ZNF12: variants seen among roughly 807,000 people sequenced by gnomAD.
ZNF12 encodes the protein zinc finger protein 12.
In ZNF12, 34 loss-of-function variants were observed where a neutral mutation model predicts 66.6. The observed-to-expected ratio is 0.51, with a 90% CI of 0.39 to 0.68. The LOEUF (loss-of-function observed/expected upper bound fraction) is 0.68, where lower values mean the gene tolerates loss of function less well. Among genes scored for constraint, ZNF12 ranks in the 30% least tolerant of loss-of-function variants. ZNF12 has a pLI of 0.00. For missense variants in ZNF12, 697 were observed against 826.9 expected, an observed-to-expected ratio of 0.84 and a Z score of 1.93; for synonymous variants, 320 against 278.9, an observed-to-expected ratio of 1.15 and a Z score of -1.47.
chr7:6,693,053 G>A (rs1443640094), intron 4 of ZNF12, among the ~76,000 whole-genome samples: 3 of 152,176 alleles, frequency 2.0e-5, no homozygotes, highest in African/African-American at 7.2e-5. Context: ...AGGATGAATG[G>A]CTGACAGGGT....
At position 6,696,899 on chromosome 7, in the gene ZNF12, A is replaced by C. The variant is rs1780162467; in HGVS notation, c.238+440T>G. On this transcript the variant is annotated intron_variant, in intron 4 of 4. Transcript: ENST00000405858. This position sits in a 1 kb window ranked among gnomAD's most constrained non-coding sequence, Gnocchi z 4.0. ...CACAGGATGGGAACTTTGGAGTCTAACCTCAAAGAAAGAAAAGTACAAAGT... is the reference window on the plus strand; with the variant it reads ...CACAGGATGGGAACTTTGGAGTCTACCCTCAAAGAAAGAAAAGTACAAAGT... 6.6e-6 allele frequency among the ~76,000 whole-genome samples: 1 copy of C among 152,008 alleles called. No homozygotes were observed. Among genetic ancestry groups the C allele is most frequent in the Admixed American group, 6.6e-5 (1 of 15,244 alleles).
Position 6,705,288 on chromosome 7 carries a change from C to T in ZNF12, c.-50-65G>A, listed in dbSNP as rs561501686. On this transcript the variant is annotated intron_variant, in intron 1 of 4. Coordinates refer to ENST00000405858, the MANE Select transcript of ZNF12 (RefSeq NM_016265.4). The surrounding 1 kb of genome is among the most constrained non-coding windows in gnomAD (Gnocchi z 4.0). ...CTGGCCTGCCAAGGCGGTCATCTCC[C>T]GCCCAAAACCTACACAGAAAGTTCC... 1.1e-5 allele frequency: 14 copies of T among 1,224,358 alleles called. No homozygotes were observed. Among genetic ancestry groups the T allele is most frequent in the East Asian group, 4.8e-5 (2 of 41,614 alleles). The allele number at this position is 1,224,358 out of a possible 1,614,324, so 75.8% of individuals were successfully genotyped here.
chr7:6,700,520 A>G (rs921827370), intron 2 of ZNF12, among the ~76,000 whole-genome samples: 10 of 152,098 alleles, frequency 6.6e-5, no homozygotes, highest in African/African-American at 2.2e-4. Context: ...TAGCTAGGAG[A>G]GTCCTCTGTC....
In ZNF12 at chr7:6,705,047, C is replaced by A; in HGVS notation, c.15+112G>T. ...GCTGATGGCTACTGTTCTGTCTGAC[C>A]AAATCTTGTATCTATTTCTACTTTC... On this transcript the variant is annotated intron_variant, in intron 2 of 4. Coordinates refer to ENST00000405858, the MANE Select transcript of ZNF12 (RefSeq NM_016265.4). This position sits in a 1 kb window ranked among gnomAD's most constrained non-coding sequence, Gnocchi z 4.0. 1 of 1,316,330 alleles carries A rather than the reference C, an allele frequency of 7.6e-7. No individual in the cohort carries two copies. The highest frequency in any genetic ancestry group is 1.0e-6 in the Non-Finnish European group (1 of 968,408). The allele number at this position is 1,316,330 out of a possible 1,614,324, so 81.5% of individuals were successfully genotyped here.
Position 6,697,455 on chromosome 7 carries a change from A to G in ZNF12, c.143-21T>C. 6.2e-7 allele frequency: 1 copy of G among 1,603,990 alleles called. No individual in the cohort carries two copies. Among genetic ancestry groups the G allele is most frequent in the Non-Finnish European group, 8.5e-7 (1 of 1,174,300 alleles). The stretch of plus-strand genomic sequence containing the variant: ...ATACCCTGTTAATGAGAAATGAAAG[A>G]GAACTTGAGCCCAGGCCGGTTGGCT... On this transcript the variant is annotated intron_variant, in intron 3 of 4. Transcript: ENST00000405858. This position sits in a 1 kb window ranked among gnomAD's most constrained non-coding sequence, Gnocchi z 6.1.
intron 4 of ZNF12, among the ~76,000 whole-genome samples, chr7:6,694,120 TTG>T (rs1355261853): frequency 6.9e-6 from 1 of 145,136 alleles, no homozygotes; most frequent in African/African-American, 2.4e-5. Context: ...TGAGCCGAGA[TTG>T]TGTCACTGCA....
chr7:6,690,844 G>C lies in ZNF12; in HGVS notation c.*4C>G. On this transcript the variant is annotated 3_prime_UTR_variant, in exon 5 of 5. Transcript: ENST00000405858. ...GGTTCTCTGATATAAAATGAGGTCT[G>C]ACTTCAGAGAAGCCTTCCCACATCT... is the stretch of plus-strand genomic sequence containing the variant. 3 of 1,600,748 alleles carry C rather than the reference G, an allele frequency of 1.9e-6. No individual in the cohort carries two copies. Among genetic ancestry groups the C allele is most frequent in the Non-Finnish European group, 2.6e-6 (3 of 1,173,360 alleles).
intron 4 of ZNF12, among the ~76,000 whole-genome samples, chr7:6,694,766 GA>G (rs1027107514): frequency 6.6e-6 from 1 of 151,966 alleles, no homozygotes; most frequent in Non-Finnish European, 1.5e-5. Flanking sequence ...TTCCATGCTT[GA>G]AAAAAATACT....
chr7:6,690,755 T>A lies in ZNF12; in HGVS notation c.*93A>T. The A allele has an allele frequency of 7.7e-7, 1 of 1,299,224 alleles. No homozygotes were observed. The highest frequency in any genetic ancestry group is 1.0e-6 in the Non-Finnish European group (1 of 964,158). The allele number at this position is 1,299,224 out of a possible 1,614,324, so 80.5% of individuals were successfully genotyped here. A position where few individuals can be genotyped will look rare whatever the true frequency, so the allele number is the denominator to read the frequency against. On this transcript the variant is annotated 3_prime_UTR_variant, in exon 5 of 5. Coordinates refer to ENST00000405858, the MANE Select transcript of ZNF12 (RefSeq NM_016265.4). Reference sequence around the variant, plus strand: ...AAGGGGATGTCCACACTAACCTGTGTGAACTCTCTGATGTACAAGGTGTTT... The same window carrying A: ...AAGGGGATGTCCACACTAACCTGTGAGAACTCTCTGATGTACAAGGTGTTT...
At position 6,692,681 on chromosome 7, in the gene ZNF12, G is replaced by A; in HGVS notation, c.261C>T (p.Asp87=). 6.3e-7 allele frequency: 1 copy of A among 1,583,646 alleles called. No homozygotes were observed. Among genetic ancestry groups the A allele is most frequent in the Non-Finnish European group, 8.6e-7 (1 of 1,168,348 alleles). Residue 87 remains aspartate, a synonymous_variant, in exon 5 of 5, where the codon GAC becomes GAT. Coordinates refer to ENST00000405858, the MANE Select transcript of ZNF12 (RefSeq NM_016265.4). The surrounding 1 kb of genome is among the most constrained non-coding windows in gnomAD (Gnocchi z 5.1). ...SYPDEVWQTD[D]LIERIQEEEN... ...CCTCTTCCTGGATTCTCTCTATTAG[G>A]TCATCAGTTTGCCAGACTTCATCTA...
Position 6,697,450 on chromosome 7 carries a change from G to GA in ZNF12, c.143-17dup, listed in dbSNP as rs1562600330. The GA allele has an allele frequency of 3.7e-6, 6 of 1,606,114 alleles. No individual in the cohort carries two copies. The highest frequency in any genetic ancestry group is 5.1e-6 in the Non-Finnish European group (6 of 1,175,610). On this transcript the variant is annotated splice_polypyrimidine_tract_variant and intron_variant, in intron 3 of 4. Transcript: ENST00000405858. This position sits in a 1 kb window ranked among gnomAD's most constrained non-coding sequence, Gnocchi z 6.1. ...ATGTGATACCCTGTTAATGAGAAAT[G>GA]AAAGAGAACTTGAGCCCAGGCCGGT...
rs556543410 is a variant in ZNF12, at chr7:6,696,733, A to G, written c.238+606T>C. Among the ~76,000 whole-genome samples the G allele has an allele frequency of 1.3e-5, 2 of 152,296 alleles. No individual in the cohort carries two copies. Among genetic ancestry groups the G allele is most frequent in the Admixed American group, 1.3e-4 (2 of 15,298 alleles). ...AACAGAACAGAAAATAAGAAACAAG[A>G]TGAAAACGAGCATTTGGTTAAAGAG... is the stretch of plus-strand genomic sequence containing the variant. On this transcript the variant is annotated intron_variant, in intron 4 of 4. Coordinates refer to ENST00000405858, the MANE Select transcript of ZNF12 (RefSeq NM_016265.4). The surrounding 1 kb of genome is among the most constrained non-coding windows in gnomAD (Gnocchi z 4.0).
chr7:6,705,295 A>C lies in ZNF12; in HGVS notation c.-50-72T>G. On this transcript the variant is annotated intron_variant, in intron 1 of 4. Coordinates refer to ENST00000405858, the MANE Select transcript of ZNF12 (RefSeq NM_016265.4). The surrounding 1 kb of genome is among the most constrained non-coding windows in gnomAD (Gnocchi z 4.0). ...GCCAAGGCGGTCATCTCCCGCCCAA[A>C]ACCTACACAGAAAGTTCCAAGAAGT... The C allele has an allele frequency of 1.7e-6, 2 of 1,147,492 alleles. No homozygotes were observed. Among genetic ancestry groups the C allele is most frequent in the Non-Finnish European group, 2.5e-6 (2 of 787,074 alleles). The allele number at this position is 1,147,492 out of a possible 1,614,324, so 71.1% of individuals were successfully genotyped here. A position where few individuals can be genotyped will look rare whatever the true frequency, so the allele number is the denominator to read the frequency against.
chr7:6,691,970 G>C lies in ZNF12; in HGVS notation c.972C>G (p.Pro324=), dbSNP rs760749676. 3.8e-5 allele frequency: 62 copies of C among 1,613,978 alleles called. No individual in the cohort carries two copies. In the Middle Eastern group the frequency reaches 1.6e-3, roughly 43 times the overall value. Residue 324 remains proline (P), a synonymous_variant, in exon 5 of 5, where the codon CCC becomes CCG. Coordinates refer to ENST00000405858, the MANE Select transcript of ZNF12 (RefSeq NM_016265.4). ...TCTTCCCACATTCATTACATTCATA[G>C]GGCTTCTCCCCTGTGTGTGTTCTCT... ...VHQRTHTGEK[P]YECNECGKNF... is the part of the protein sequence containing the mutation.
intron 1 of ZNF12, 23 bp downstream of exon 1, chr7:6,706,409 G>T: frequency 2.1e-6 from 1 of 468,408 alleles, no homozygotes; most frequent in Non-Finnish European, 4.3e-6. Flanking sequence ...TTCTCGCCCC[G>T]GGCCCGCAAA....
chr7:6,693,397 A>G (rs1780104522), intron 4 of ZNF12, among the ~76,000 whole-genome samples: 2 of 152,240 alleles, frequency 1.3e-5, no homozygotes, highest in South Asian at 4.1e-4. Flanking sequence ...GTATATATAT[A>G]TCCTACAGGA....
Position 6,691,414 on chromosome 7 carries a change from T to C in ZNF12, c.1528A>G (p.Ile510Val), listed in dbSNP as rs200296539. The change falls in exon 5 of 5, where the codon ATC (isoleucine) becomes GTC (valine). Residue 510 changes from isoleucine to valine, a missense_variant. Physicochemically the swap from Ile to Val is conservative, Grantham distance 29 (BLOSUM62 3). Around this residue, in one of 3 missense-constraint regions of ZNF12, gnomAD observed 401 missense variants for 519.0 expected, o/e 0.77. Transcript: ENST00000405858. The part of the protein sequence containing the change: ...KLFSQLSYLT[I>V]HHRTHSGVKP... ...ACTCCTGAATGAGTTCTATGATGGA[T>C]AGTGAGGTATGACAACTGGGAGAAT... 1,301 of 1,613,840 alleles carry C rather than the reference T, an allele frequency of 8.1e-4. 1 individual carries two copies. The highest frequency in any genetic ancestry group is 1.1e-3 in the Non-Finnish European group (1,261 of 1,179,914).
chr7:6,692,626 T>C lies in ZNF12; in HGVS notation c.316A>G (p.Ile106Val). 1 of 1,613,582 alleles carries C rather than the reference T, an allele frequency of 6.2e-7. No individual in the cohort carries two copies. Among genetic ancestry groups the C allele is most frequent in the Non-Finnish European group, 8.5e-7 (1 of 1,179,768 alleles). The stretch of plus-strand genomic sequence containing the variant: ...CCTCTCTCTTCAATCAGGGTCTCAA[T>C]GAACACAGTTTGCCTTGAAGGTTTA... ...ENKPSRQTVF[I>V]ETLIEERGNV... Residue 106 changes from isoleucine (I) to valine (V), a missense_variant, in exon 5 of 5, where the codon ATT becomes GTT. By Grantham distance (29) the Ile-to-Val change is conservative. Around this residue, in one of 3 missense-constraint regions of ZNF12, gnomAD observed 241 missense variants for 224.0 expected, o/e 1.08. Transcript: ENST00000405858. The surrounding 1 kb of genome is among the most constrained non-coding windows in gnomAD (Gnocchi z 5.1).
chr7:6,694,875 A>G (rs566894665), intron 4 of ZNF12, among the ~76,000 whole-genome samples: 93 of 152,354 alleles, frequency 6.1e-4, no homozygotes, highest in African/African-American at 2.1e-3. Context: ...CTTGCATTGG[A>G]ACATCAGCAC....
Sources: allele counts gnomAD v4.1 joint callset (sites outside exome capture counted in the v4.1 genomes callset), GRCh38; gene constraint gnomAD v4.1.1; regional missense constraint gnomAD v4.1.1; non-coding constraint Gnocchi (gnomAD v3.1); transcripts MANE v1.5; gene names NCBI Gene and HGNC (gene_info 2026-07-23, HGNC 2026-07-21).